SLC8A1: variants seen among roughly 807,000 people sequenced by gnomAD.
The protein encoded by SLC8A1 is solute carrier family 8 member A1, also known as sodium/calcium exchanger 1.
In SLC8A1, 18 loss-of-function variants were observed where a neutral mutation model predicts 68.3. The observed-to-expected ratio is 0.26, with a 90% CI of 0.18 to 0.39. The LOEUF is 0.39. Ranked by LOEUF, SLC8A1 falls within the 10% of genes least tolerant of loss-of-function variation. The pLI is 1.00. For missense variants in SLC8A1, 985 were observed against 1,156.7 expected (o/e 0.85, Z 2.15); for synonymous variants, 475 against 415.5 (o/e 1.14, Z -1.74).
At chr2:40,445,256 A>G (rs1387679731) in intron 1 of SLC8A1, among the ~76,000 whole-genome samples, 6 of 152,316 alleles carry the variant, frequency 3.9e-5, no homozygotes, top group Middle Eastern at 3.4e-3. Flanking sequence ...TATAACTATC[A>G]TGAATATGTC....
chr2:40,504,194 A>G (rs889388654), intron 1 of SLC8A1, among the ~76,000 whole-genome samples: 42 of 152,082 alleles, frequency 2.8e-4, no homozygotes, highest in Non-Finnish European at 4.4e-5. Context: ...GTTGCCAAGA[A>G]CATACACTGG....
intron 5 of SLC8A1, 100 bp from the exon 9 acceptor site, chr2:40,160,964 T>TA (rs1170973455): frequency 6.5e-6 from 5 of 770,022 alleles, no homozygotes; most frequent in African/African-American, 1.7e-5. Flanking sequence ...ATATAAAGGG[T>TA]AGCAGATGTT....
At chr2:40,428,982 A>G (rs753385868) in exon 2 of SLC8A1, 1 of 1,613,610 alleles carries the variant, frequency 6.2e-7, no homozygotes. Context: ...TCAAATCACC[A>G]CCTCTGCGGA....
At chr2:40,173,598 G>A (rs1293973337) in intron 4 of SLC8A1, among the ~76,000 whole-genome samples, 2 of 152,174 alleles carry the variant, frequency 1.3e-5, no homozygotes, top group Non-Finnish European at 1.5e-5. Flanking sequence ...GGAATTGCTT[G>A]TTCATGAGTT....
intron 1 of SLC8A1, among the ~76,000 whole-genome samples, chr2:40,511,702 A>G (rs1342084994): frequency 6.6e-6 from 1 of 152,154 alleles, no homozygotes; most frequent in Admixed American, 6.6e-5. Context: ...AAAAGAAAGA[A>G]GACAAAATTT....
chr2:40,421,392 C>T (rs899779312), intron 2 of SLC8A1, among the ~76,000 whole-genome samples: 26 of 152,104 alleles, frequency 1.7e-4, no homozygotes, highest in African/African-American at 6.0e-4. Flanking sequence ...ATCTTTATCT[C>T]AGGAAATTTG....
chr2:40,444,112 C>G (rs998331808), intron 1 of SLC8A1, among the ~76,000 whole-genome samples: 1 of 152,114 alleles, frequency 6.6e-6, no homozygotes, highest in African/African-American at 2.4e-5. Context: ...TGAGGAAGAA[C>G]TGCTTGAGCC....
intron 2 of SLC8A1, among the ~76,000 whole-genome samples, chr2:40,266,745 T>G (rs932549158): frequency 1.3e-5 from 2 of 152,202 alleles, no homozygotes; most frequent in Non-Finnish European, 2.9e-5. Flanking sequence ...ATGGTATTGG[T>G]TAAACTGTAG....
chr2:40,386,632 A>T (rs1439353856), intron 2 of SLC8A1, among the ~76,000 whole-genome samples: 3 of 148,992 alleles, frequency 2.0e-5, no homozygotes, highest in Non-Finnish European at 3.0e-5. Flanking sequence ...AAAAAAAAAA[A>T]TAAAGGGAAA....
chr2:40,415,848 T>C (rs1693655492), intron 2 of SLC8A1, among the ~76,000 whole-genome samples: 1 of 140,462 alleles, frequency 7.1e-6, no homozygotes, highest in African/African-American at 2.7e-5. Flanking sequence ...ACCCCATCTC[T>C]ACTAAAAGTA....
chr2:40,271,815 T>C (rs2066067229), intron 2 of SLC8A1, among the ~76,000 whole-genome samples: 1 of 152,230 alleles, frequency 6.6e-6, no homozygotes, highest in Non-Finnish European at 1.5e-5. Context: ...TGACTCATTT[T>C]CTTTCCGGAG....
intron 2 of SLC8A1, among the ~76,000 whole-genome samples, chr2:40,187,762 T>C (rs1186925862): frequency 6.6e-6 from 1 of 152,234 alleles, no homozygotes. Flanking sequence ...TCCATAGTTA[T>C]TGTTTTTAAT....
At chr2:40,498,482 A>G (rs755452406) in intron 1 of SLC8A1, among the ~76,000 whole-genome samples, 1 of 152,144 alleles carries the variant, frequency 6.6e-6, no homozygotes, top group Admixed American at 6.6e-5. Flanking sequence ...TTCTAACTTC[A>G]TAAGCTTTAG....
At chr2:40,274,903 A>G (rs1004793293) in intron 2 of SLC8A1, among the ~76,000 whole-genome samples, 2 of 152,172 alleles carry the variant, frequency 1.3e-5, no homozygotes, top group African/African-American at 4.8e-5. Context: ...TTTATCCTTT[A>G]TATTAAATGG....
At chr2:40,445,743 A>G (rs924392557) in intron 1 of SLC8A1, among the ~76,000 whole-genome samples, 1 of 152,184 alleles carries the variant, frequency 6.6e-6, no homozygotes, top group Non-Finnish European at 1.5e-5. Context: ...AGTCAGGGGA[A>G]AAGAAGCACT....
intron 1 of SLC8A1, among the ~76,000 whole-genome samples, chr2:40,493,534 A>G (rs932941980): frequency 6.6e-6 from 1 of 151,712 alleles, no homozygotes; most frequent in Non-Finnish European, 1.5e-5. Context: ...AAAAAAAAAG[A>G]AGCTTAGGTT....
At chr2:40,492,902 G>A (rs1484180510) in intron 1 of SLC8A1, among the ~76,000 whole-genome samples, 2 of 151,714 alleles carry the variant, frequency 1.3e-5, no homozygotes, top group African/African-American at 4.8e-5. Flanking sequence ...TGGTGGGACT[G>A]TAAACTAGTT....
chr2:40,391,858 A>C (rs1685370629), intron 2 of SLC8A1, among the ~76,000 whole-genome samples: 1 of 152,130 alleles, frequency 6.6e-6, no homozygotes, highest in Non-Finnish European at 1.5e-5. Flanking sequence ...CAGAGCCCTC[A>C]GCCTCATGTC....
chr2:40,505,411 T>G (rs1039217508), intron 1 of SLC8A1, among the ~76,000 whole-genome samples: 5 of 151,922 alleles, frequency 3.3e-5, no homozygotes, highest in African/African-American at 1.2e-4. Flanking sequence ...CATGATGTGC[T>G]TATTTCACAT....
Sources: gnomAD v4.1 joint callset for allele counts (sites outside exome capture counted in the v4.1 genomes callset) on GRCh38, gnomAD v4.1.1 for gene constraint, MANE v1.5 for transcripts, NCBI Gene and HGNC (gene_info 2026-07-23, HGNC 2026-07-21) for gene names.